AGBL4: variants seen among roughly 807,000 people sequenced by gnomAD.
AGBL4 encodes AGBL carboxypeptidase 4.
In AGBL4, 58 loss-of-function variants were observed where a neutral mutation model predicts 66.4. That is an observed-to-expected ratio of 0.87 (90% CI 0.71 to 1.09). The LOEUF (loss-of-function observed/expected upper bound fraction) is 1.09. Ranked by LOEUF, AGBL4 falls within the 50% of genes least tolerant of loss-of-function variation. The pLI is 0.00. For synonymous variants in AGBL4, 234 were observed against 222.9 expected (o/e 1.05, Z -0.44); for missense variants, 579 against 631.0 (o/e 0.92, Z 0.88).
At chr1:49,171,639 G>A (rs753577224) in intron 4 of AGBL4, among the ~76,000 whole-genome samples, 1 of 152,094 alleles carries the variant, frequency 6.6e-6, no homozygotes, top group Non-Finnish European at 1.5e-5. Context: ...TGGGTGTCTT[G>A]TTCCTTCCTT....
chr1:49,002,955 C>T (rs1167496870), intron 5 of AGBL4, among the ~76,000 whole-genome samples: 1 of 152,190 alleles, frequency 6.6e-6, no homozygotes, highest in African/African-American at 2.4e-5. Context: ...GGCCTACCTC[C>T]TTGGTTCAGC....
chr1:48,660,886 C>G (rs1478895443), intron 7 of AGBL4, among the ~76,000 whole-genome samples: 2 of 152,126 alleles, frequency 1.3e-5, no homozygotes, highest in Non-Finnish European at 2.9e-5. Context: ...AGTTCCCATC[C>G]CTGAGTGGGA....
intron 1 of AGBL4, chr1:49,865,902 G>A (rs997855640): frequency 7.6e-6 from 3 of 395,774 alleles, no homozygotes; most frequent in South Asian, 3.8e-5. Flanking sequence ...AACCAGTTTA[G>A]AGAGGCACAT....
chr1:49,711,032 T>C (rs1279289174), intron 2 of AGBL4, among the ~76,000 whole-genome samples: 1 of 152,072 alleles, frequency 6.6e-6, no homozygotes, highest in African/African-American at 2.4e-5. Context: ...AAAGGAATAC[T>C]ACTGCACACC....
At chr1:48,991,671 C>A (rs542164332) in intron 5 of AGBL4, among the ~76,000 whole-genome samples, 2 of 151,922 alleles carry the variant, frequency 1.3e-5, no homozygotes, top group South Asian at 4.2e-4. Context: ...ATTTTTTATT[C>A]TTTTTCTCTC....
intron 3 of AGBL4, chr1:49,257,450 TC>T (rs1163710546): frequency 2.6e-5 from 4 of 155,896 alleles, no homozygotes; most frequent in African/African-American, 9.6e-5. Context: ...TCAGCGAGAC[TC>T]CGTGAGCATA....
intron 4 of AGBL4, among the ~76,000 whole-genome samples, chr1:49,225,961 T>C (rs989923947): frequency 2.0e-5 from 3 of 152,212 alleles, no homozygotes; most frequent in African/African-American, 4.8e-5. Context: ...CTAGGCACCA[T>C]GTTGAGTGTT....
At chr1:49,555,767 C>A (rs1653390995) in intron 3 of AGBL4, among the ~76,000 whole-genome samples, 1 of 151,548 alleles carries the variant, frequency 6.6e-6, no homozygotes, top group African/African-American at 2.4e-5. Context: ...AGCCAACAGA[C>A]ACATGAAAAA....
At chr1:49,794,894 G>A (rs1317335298) in intron 2 of AGBL4, among the ~76,000 whole-genome samples, 1 of 152,050 alleles carries the variant, frequency 6.6e-6, no homozygotes, top group African/African-American at 2.4e-5. Context: ...AATTGGTGAT[G>A]AGAATTCAAT....
intron 6 of AGBL4, among the ~76,000 whole-genome samples, chr1:48,796,782 A>G (rs1645685012): frequency 6.6e-6 from 1 of 152,174 alleles, no homozygotes; most frequent in African/African-American, 2.4e-5. Flanking sequence ...TTGGTTACAG[A>G]TTGGGTCCCA....
chr1:48,711,636 T>G (rs1434216336), intron 6 of AGBL4, among the ~76,000 whole-genome samples: 1 of 152,128 alleles, frequency 6.6e-6, no homozygotes, highest in Non-Finnish European at 1.5e-5. Flanking sequence ...GGGTCGAGTA[T>G]GGAACCAACC....
At chr1:48,999,116 T>A (rs1267086295) in intron 5 of AGBL4, among the ~76,000 whole-genome samples, 1 of 152,204 alleles carries the variant, frequency 6.6e-6, no homozygotes, top group Non-Finnish European at 1.5e-5. Flanking sequence ...AGGGACTGGA[T>A]GATCTGATAA....
intron 3 of AGBL4, among the ~76,000 whole-genome samples, chr1:49,411,316 C>T (rs540305832): frequency 1.3e-5 from 2 of 152,302 alleles, no homozygotes; most frequent in African/African-American, 2.4e-5. Flanking sequence ...AGTTTTATCC[C>T]ACCTTCTCCT....
At chr1:48,925,584 A>G (rs1654478867) in intron 5 of AGBL4, among the ~76,000 whole-genome samples, 1 of 152,134 alleles carries the variant, frequency 6.6e-6, no homozygotes, top group Admixed American at 6.6e-5. Flanking sequence ...CAAGACAATT[A>G]TTCTTCTTCC....
At chr1:49,184,561 T>C (rs543337358) in intron 4 of AGBL4, among the ~76,000 whole-genome samples, 35 of 152,276 alleles carry the variant, frequency 2.3e-4, no homozygotes, top group African/African-American at 8.2e-4. Flanking sequence ...AAATGTCATA[T>C]ACAGGTTGCC....
At chr1:50,010,469 AACACAC>A (rs113933841) in intron 1 of AGBL4, among the ~76,000 whole-genome samples, 2 of 148,964 alleles carry the variant, frequency 1.3e-5, no homozygotes, top group African/African-American at 2.5e-5. Context: ...AGGAACCACA[AACACAC>A]ACACACACAC....
chr1:49,990,937 T>G (rs1572021599), intron 1 of AGBL4, among the ~76,000 whole-genome samples: 2 of 152,318 alleles, frequency 1.3e-5, no homozygotes, highest in East Asian at 3.9e-4. Flanking sequence ...TTATCATCAC[T>G]AACATATCAT....
In AGBL4 at chr1:48,993,573, G is replaced by A. The variant is rs116251948; in HGVS notation, c.594+52011C>T. ...CCGGAACAGCACTAGGACTTGCCTAGGAGTAACAGTCCTTGTGATCCAGAC... is the reference window on the plus strand; with the variant it reads ...CCGGAACAGCACTAGGACTTGCCTAAGAGTAACAGTCCTTGTGATCCAGAC... On this transcript the variant is annotated intron_variant, in intron 5 of 13. Transcript: ENST00000371839. Among the ~76,000 whole-genome samples the A allele has an allele frequency of 3.8e-3, 571 of 152,256 alleles. 2 individuals carry two copies. Among genetic ancestry groups the A allele is most frequent in the African/African-American group, 0.012 (514 of 41,540 alleles).
At chr1:49,058,346 T>C (rs1644342884) in intron 4 of AGBL4, among the ~76,000 whole-genome samples, 1 of 152,120 alleles carries the variant, frequency 6.6e-6, no homozygotes, top group South Asian at 2.1e-4. Context: ...CTTGTGATAG[T>C]GAGTGAGTTC....
Sources: allele counts gnomAD v4.1 joint callset (sites outside exome capture counted in the v4.1 genomes callset), GRCh38; gene constraint gnomAD v4.1.1; transcripts MANE v1.5; gene names NCBI Gene and HGNC (gene_info 2026-07-23, HGNC 2026-07-21).